The following TULP4 variants were observed in gnomAD, a reference collection of about 807,000 sequenced individuals.
The protein encoded by TULP4 is TUB like protein 4.
In TULP4, 16 loss-of-function variants were observed where a neutral mutation model predicts 129.0. The ratio of observed to expected loss-of-function variants is 0.12; its 90% CI spans 0.08 to 0.19. The LOEUF is 0.19. TULP4 is among the 10% of genes least tolerant of loss of function. TULP4 has a pLI of 1.00. For missense variants in TULP4, 1,842 were observed against 2,059.1 expected, an observed-to-expected ratio of 0.89 and a Z score of 2.04; for synonymous variants, 998 against 854.0, an observed-to-expected ratio of 1.17 and a Z score of -2.94.
chr6:158,282,573 G>GTT (rs1193167322), intron 1 of TULP4, among the ~76,000 whole-genome samples: 2 of 147,206 alleles, frequency 1.4e-5, no homozygotes, highest in South Asian at 4.4e-4. Context: ...GGTAATGCTA[G>GTT]TTTCTGGGAA....
At position 158,331,790 on chromosome 6, in the gene TULP4, T is replaced by G. The variant is rs1487250249; in HGVS notation, c.252+17522T>G. Among the ~76,000 whole-genome samples the G allele has an allele frequency of 1.6e-5, 2 of 124,288 alleles. 1 individual carries two copies. 81.5% of individuals were successfully genotyped at this position (124,288 alleles called of 152,430 possible). A position where few individuals can be genotyped will look rare whatever the true frequency, so the allele number is the denominator to read the frequency against. On this transcript the variant is annotated intron_variant, in intron 1 of 13. Coordinates refer to ENST00000367097, the MANE Select transcript of TULP4 (RefSeq NM_020245.5). ...ATACACGTATATATACACACACACA[T>G]ACCTACATACACACATTCAGTAGCA...
chr6:158,388,202 G>T (rs1192990713), intron 1 of TULP4, among the ~76,000 whole-genome samples: 1 of 151,080 alleles, frequency 6.6e-6, no homozygotes, highest in Non-Finnish European at 1.5e-5. Flanking sequence ...TATAGCACAA[G>T]AAAGTAATTT....
chr6:158,415,451 G>A (rs1310470126), intron 2 of TULP4, among the ~76,000 whole-genome samples: 2 of 149,052 alleles, frequency 1.3e-5, no homozygotes, highest in South Asian at 2.1e-4. Context: ...CCGGGTTCAC[G>A]CCATTCTCCT....
chr6:158,492,739 A>G (rs1238557239), intron 9 of TULP4, among the ~76,000 whole-genome samples: 1 of 152,156 alleles, frequency 6.6e-6, no homozygotes, highest in Non-Finnish European at 1.5e-5. Flanking sequence ...TTTCTCATCA[A>G]GCTCAAAACC....
chr6:158,469,377 G>A (rs576104867), intron 6 of TULP4, among the ~76,000 whole-genome samples: 6 of 151,722 alleles, frequency 4.0e-5, no homozygotes, highest in Non-Finnish European at 7.4e-5. Flanking sequence ...GGGTTCAAGC[G>A]ATTCTCCCAC....
chr6:158,235,851 T>C (rs1777683504), intron 1 of TULP4, among the ~76,000 whole-genome samples: 1 of 152,236 alleles, frequency 6.6e-6, no homozygotes, highest in Non-Finnish European at 1.5e-5. Flanking sequence ...ACACTTATTT[T>C]ATTAAAACAA....
chr6:158,409,322 G>A (rs1778036262), intron 1 of TULP4, among the ~76,000 whole-genome samples: 1 of 152,090 alleles, frequency 6.6e-6, no homozygotes, highest in Non-Finnish European at 1.5e-5. Context: ...GTAATAGGTT[G>A]GTATCTTTTT....
chr6:158,253,678 C>CT (rs1562495477), intron 1 of TULP4, among the ~76,000 whole-genome samples: 1 of 151,994 alleles, frequency 6.6e-6, no homozygotes, highest in Non-Finnish European at 1.5e-5. Flanking sequence ...AACTAAAACA[C>CT]TTTTTTTGAT....
chr6:158,435,727 G>T (rs1385238262), intron 3 of TULP4, among the ~76,000 whole-genome samples: 1 of 151,904 alleles, frequency 6.6e-6, no homozygotes, highest in African/African-American at 2.4e-5. Flanking sequence ...CCACCACCAT[G>T]CTTGCAGAGC....
chr6:158,345,716 G>C (rs1754407), intron 1 of TULP4, among the ~76,000 whole-genome samples: 131,072 of 152,220 alleles, frequency 0.86, 56,869 homozygotes, highest in South Asian at 0.93. Context: ...TGATAAGAAT[G>C]TATTTTCAGC....
chr6:158,274,733 C>CAT (rs1778612607), intron 1 of TULP4, among the ~76,000 whole-genome samples: 4 of 152,144 alleles, frequency 2.6e-5, no homozygotes, highest in Non-Finnish European at 4.4e-5. Flanking sequence ...GCCGAGATTG[C>CAT]GCCCCTGCAC....
chr6:158,299,763 A>T (rs1463869603), intron 1 of TULP4, among the ~76,000 whole-genome samples: 2 of 152,208 alleles, frequency 1.3e-5, no homozygotes, highest in Non-Finnish European at 2.9e-5. Context: ...TGAGAGATTG[A>T]ATAAGTGGGG....
intron 1 of TULP4, among the ~76,000 whole-genome samples, chr6:158,377,899 C>T (rs1028041805): frequency 8.5e-5 from 13 of 152,130 alleles, no homozygotes; most frequent in Non-Finnish European, 1.3e-4. Flanking sequence ...CTCAGGATTC[C>T]GTGGGTCAGC....
chr6:158,384,289 C>CTT (rs10634916), intron 1 of TULP4, among the ~76,000 whole-genome samples: 95,317 of 144,280 alleles, frequency 0.66, 31,781 homozygotes, highest in Middle Eastern at 0.73. Flanking sequence ...GCCTGTTTAG[C>CTT]TTTTTTTTTT....
At chr6:158,287,767 A>G (rs1423478455) in intron 1 of TULP4, among the ~76,000 whole-genome samples, 1 of 152,204 alleles carries the variant, frequency 6.6e-6, no homozygotes, top group Non-Finnish European at 1.5e-5. Context: ...CAGGCAGTAA[A>G]TATATTCATA....
At chr6:158,309,892 A>G (rs1391101888), upstream of TULP4, among the ~76,000 whole-genome samples, 6 of 25,228 alleles carry the variant, frequency 2.4e-4, no homozygotes, top group Admixed American at 6.4e-4. Context: ...AGAGAGGGAG[A>G]GGGAGACCGT....
At chr6:158,478,527 G>A (rs1779870085) in intron 6 of TULP4, among the ~76,000 whole-genome samples, 1 of 152,152 alleles carries the variant, frequency 6.6e-6, no homozygotes, top group African/African-American at 2.4e-5. Context: ...CCCCTGTGTG[G>A]AATCATCTCA....
At position 158,503,697 on chromosome 6, in the gene TULP4, CAGA is replaced by C. The variant is rs1780528250; in HGVS notation, c.4040_4042del (p.Glu1347del). 3 of 1,613,886 alleles carry C rather than the reference CAGA, an allele frequency of 1.9e-6. No individual in the cohort carries two copies. The highest frequency in any genetic ancestry group is 1.7e-6 in the Non-Finnish European group (2 of 1,179,994). On this transcript the variant is annotated inframe_deletion, in exon 13 of 14. Coordinates refer to ENST00000367097, the MANE Select transcript of TULP4 (RefSeq NM_020245.5). The surrounding 1 kb of genome is among the most constrained non-coding windows in gnomAD (Gnocchi z 4.3). ...AACCGGAAGCGCCTGGACAGCCGAG[CAGA>C]AGAAGGCAGCGTTCAGGCCATCACT... is the stretch of plus-strand genomic sequence containing the variant.
chr6:158,380,910 AAAGAAG>A (rs1554285870), intron 1 of TULP4, among the ~76,000 whole-genome samples: 4 of 135,134 alleles, frequency 3.0e-5, no homozygotes, highest in Admixed American at 1.5e-4. Context: ...AAAAAAAAAA[AAAGAAG>A]AAGAAGAAGA....
Sources: allele counts gnomAD v4.1 joint callset (sites outside exome capture counted in the v4.1 genomes callset), GRCh38; gene constraint gnomAD v4.1.1; non-coding constraint Gnocchi (gnomAD v3.1); transcripts MANE v1.5; gene names NCBI Gene and HGNC (gene_info 2026-07-23, HGNC 2026-07-21).